The following ACTR2 variants were observed in gnomAD, a reference collection of about 807,000 sequenced individuals.
ACTR2 encodes the protein actin-related protein 2.
In ACTR2, 5 loss-of-function variants were observed where a neutral mutation model predicts 50.2. That is an observed-to-expected ratio of 0.10 (90% CI 0.05 to 0.21). ACTR2 has a LOEUF of 0.21. Ranked by LOEUF, ACTR2 falls within the 10% of genes least tolerant of loss-of-function variation. The pLI is 1.00. For synonymous variants in ACTR2, 140 were observed against 162.9 expected (o/e 0.86, Z 1.07); for missense variants, 180 against 480.6 (o/e 0.37, Z 5.85).
chr2:65,263,651 C>T lies in ACTR2; in HGVS notation c.882-1392C>T, dbSNP rs555762024. Among the ~76,000 whole-genome samples, 8 of 152,292 alleles carry T rather than the reference C, an allele frequency of 5.3e-5. No homozygotes were observed. In the East Asian group the frequency reaches 9.6e-4, roughly 18 times the overall value. ...AACCTGGTAGAAGATGATCAGAAAT[C>T]GAATCTAGCCTTCATAATTATGGTA... On this transcript the variant is annotated intron_variant, in intron 7 of 8. Transcript: ENST00000260641.
At chr2:65,237,054 G>A (rs1001422696) in intron 1 of ACTR2, among the ~76,000 whole-genome samples, 1 of 152,038 alleles carries the variant, frequency 6.6e-6, no homozygotes, top group Non-Finnish European at 1.5e-5. Flanking sequence ...AATATTTATT[G>A]ATCATTTACT....
chr2:65,255,530 A>T lies in ACTR2; in HGVS notation c.586-15A>T, dbSNP rs57879528. 1.4e-3 allele frequency: 2,283 copies of T among 1,607,730 alleles called. 37 individuals carry two copies. In the African/African-American group the frequency reaches 0.028, roughly 19 times the overall value. On this transcript the variant is annotated splice_polypyrimidine_tract_variant and intron_variant, in intron 5 of 8. Transcript: ENST00000260641. ...TCAGATGTATTATGAACTTATTGCT[A>T]TTGTTTTGTACCAGCTACTTCTGTT...
chr2:65,243,756 G>A (rs751021307), intron 2 of ACTR2, among the ~76,000 whole-genome samples: 1 of 152,102 alleles, frequency 6.6e-6, no homozygotes, highest in Non-Finnish European at 1.5e-5. Context: ...ATGATTCTTG[G>A]CAAATGTAAT....
At chr2:65,254,326 T>C (rs566606565) in intron 5 of ACTR2, among the ~76,000 whole-genome samples, 10 of 152,294 alleles carry the variant, frequency 6.6e-5, no homozygotes, top group African/African-American at 2.2e-4. Flanking sequence ...ATTAATGATA[T>C]TTGAGGAAAA....
intron 7 of ACTR2, 54 bp from the exon 8 acceptor site, chr2:65,264,989 G>T: frequency 6.2e-7 from 1 of 1,603,352 alleles, no homozygotes; most frequent in Middle Eastern, 1.7e-4. Context: ...GTAACCCTGA[G>T]ATACCATTTT....
chr2:65,243,334 T>A (rs539602030), intron 2 of ACTR2, among the ~76,000 whole-genome samples: 1 of 151,726 alleles, frequency 6.6e-6, no homozygotes, highest in Non-Finnish European at 1.5e-5. Context: ...AGGCTTATTT[T>A]AACAGAAGTT....
rs560555344 is a variant in ACTR2 at position 65,239,677 on chromosome 2, G to A, written c.49-175G>A. ...ATGAACCCTGGAAGTAGGCAATGCC[G>A]TGAAAGAAGTTAAAAGGAGATGTTG... On this transcript the variant is annotated intron_variant, in intron 1 of 8. Coordinates refer to ENST00000260641, the MANE Select transcript of ACTR2 (RefSeq NM_005722.4). 6.6e-5 allele frequency among the ~76,000 whole-genome samples: 10 copies of A among 152,350 alleles called. 1 individual carries two copies. In the South Asian group the frequency reaches 1.9e-3, roughly 28 times the overall value.
chr2:65,259,302 G>A (rs1008865834), intron 6 of ACTR2, among the ~76,000 whole-genome samples: 2 of 152,078 alleles, frequency 1.3e-5, no homozygotes, highest in Non-Finnish European at 2.9e-5. Flanking sequence ...TGCATCTGTA[G>A]TGCCAGCTAC....
intron 4 of ACTR2, among the ~76,000 whole-genome samples, chr2:65,252,926 T>C (rs1672080805): frequency 6.6e-6 from 1 of 152,136 alleles, no homozygotes; most frequent in Admixed American, 6.5e-5. Flanking sequence ...CAAAGCAGCT[T>C]CTTTGCTGTT....
chr2:65,255,778 G>T, intron 6 of ACTR2, 84 bp downstream of exon 6: 5 of 1,306,592 alleles, frequency 3.8e-6, no homozygotes, highest in Non-Finnish European at 5.2e-6. Context: ...GGTTTTCTTA[G>T]AATCAGTATT....
chr2:65,265,084 C>G lies in ACTR2; in HGVS notation c.923C>G (p.Thr308Ser). ...YKHIVLSGGSTMYPGLPSRLE... is the reference protein window; with the variant it reads ...YKHIVLSGGSSMYPGLPSRLE... ...CACATTGTGCTTTCTGGAGGGTCTACTATGTATCCTGGCCTGCCATCACGG... is the reference window on the plus strand; with the variant it reads ...CACATTGTGCTTTCTGGAGGGTCTAGTATGTATCCTGGCCTGCCATCACGG... The change falls in exon 8 of 9, where the codon ACT (threonine) becomes AGT (serine). Residue 308 changes from threonine to serine, a missense_variant. Coordinates refer to ENST00000260641, the MANE Select transcript of ACTR2 (RefSeq NM_005722.4). The G allele has an allele frequency of 6.2e-7, 1 of 1,614,164 alleles. No homozygotes were observed. Among genetic ancestry groups the G allele is most frequent in the Non-Finnish European group, 8.5e-7 (1 of 1,180,016 alleles).
In ACTR2 at chr2:65,239,840, G is replaced by C; in HGVS notation, c.49-12G>C. On this transcript the variant is annotated splice_polypyrimidine_tract_variant and intron_variant, in intron 1 of 8. Transcript: ENST00000260641. ...GATGCTAACCCACTTTTATTTTACT[G>C]TTTCATTCCAGTTTGTGAAGTGTGG... 6.5e-7 allele frequency: 1 copy of C among 1,528,946 alleles called. No individual in the cohort carries two copies. The highest frequency in any genetic ancestry group is 9.1e-7 in the Non-Finnish European group (1 of 1,103,906). The allele number at this position is 1,528,946 out of a possible 1,614,324, so 94.7% of individuals were successfully genotyped here.
chr2:65,266,440 T>G (rs1331451771), intron 8 of ACTR2, among the ~76,000 whole-genome samples: 1 of 150,042 alleles, frequency 6.7e-6, no homozygotes, highest in Non-Finnish European at 1.5e-5. Context: ...TGGAGCAGAG[T>G]GAGCAAGGGA....
At chr2:65,237,598 C>T (rs549485937) in intron 1 of ACTR2, among the ~76,000 whole-genome samples, 9 of 152,240 alleles carry the variant, frequency 5.9e-5, no homozygotes, top group Non-Finnish European at 1.3e-4. Flanking sequence ...TGTCTGTAAT[C>T]CCAGCAACTC....
At chr2:65,258,986 T>G (rs1672208371) in intron 6 of ACTR2, among the ~76,000 whole-genome samples, 1 of 152,088 alleles carries the variant, frequency 6.6e-6, no homozygotes, top group Non-Finnish European at 1.5e-5. Flanking sequence ...TCTTTCTGTT[T>G]TGAGACAGGG....
intron 3 of ACTR2, among the ~76,000 whole-genome samples, chr2:65,247,687 G>A (rs949404628): frequency 3.9e-5 from 6 of 152,168 alleles, no homozygotes; most frequent in East Asian, 3.8e-4. Context: ...TCACACCGAC[G>A]AAGAAGAGGA....
chr2:65,265,222 A>C (rs1465517564), intron 8 of ACTR2, 47 bp downstream of exon 8: 2 of 1,608,222 alleles, frequency 1.2e-6, no homozygotes, highest in East Asian at 4.5e-5. Flanking sequence ...TTAAAAGGCT[A>C]TACAGTAGTT....
chr2:65,241,141 G>A (rs1300887121), intron 2 of ACTR2, among the ~76,000 whole-genome samples: 2 of 151,784 alleles, frequency 1.3e-5, no homozygotes, highest in East Asian at 3.9e-4. Flanking sequence ...CTTGCTTATT[G>A]TGAACTCCTT....
chr2:65,255,072 T>C (rs1250358411), intron 5 of ACTR2, among the ~76,000 whole-genome samples: 1 of 152,176 alleles, frequency 6.6e-6, no homozygotes, highest in Non-Finnish European at 1.5e-5. Flanking sequence ...AATTCCCTTA[T>C]CATTCGTTAA....
Sources: gnomAD v4.1 joint callset for allele counts (sites outside exome capture counted in the v4.1 genomes callset) on GRCh38, gnomAD v4.1.1 for gene constraint, MANE v1.5 for transcripts, NCBI Gene and HGNC (gene_info 2026-07-23, HGNC 2026-07-21) for gene names.